The following CA13 variants were observed in gnomAD, a reference collection of about 807,000 sequenced individuals.
CA13 encodes the protein CA-XIII.
A neutral mutation model predicts 31.5 loss-of-function variants in CA13; 21 were observed. The ratio of observed to expected loss-of-function variants is 0.67; its 90% CI spans 0.47 to 0.96. The LOEUF (loss-of-function observed/expected upper bound fraction) is 0.96, where lower values mean the gene tolerates loss of function less well. Ranked by LOEUF, CA13 falls within the 40% of genes least tolerant of loss-of-function variation. The probability of loss-of-function intolerance (pLI) is 0.00; values close to 1 mark genes in which losing one functional copy is unlikely to be tolerated. For missense variants in CA13, 315 were observed against 318.9 expected (o/e 0.99, Z 0.09); for synonymous variants, 117 against 111.4 (o/e 1.05, Z -0.32).
At chr8:85,262,992 A>C (rs1440573872) in intron 3 of CA13, among the ~76,000 whole-genome samples, 1 of 152,186 alleles carries the variant, frequency 6.6e-6, no homozygotes, top group Non-Finnish European at 1.5e-5. Flanking sequence ...TGGGAACAAT[A>C]CCATGTGATC....
At chr8:85,251,023 G>C in intron 2 of CA13, 86 bp downstream of exon 2, 1 of 977,508 alleles carries the variant, frequency 1.0e-6, no homozygotes, top group Non-Finnish European at 1.5e-6. Flanking sequence ...TTTTTTTTGA[G>C]ACAGAGTCTC....
intron 3 of CA13, among the ~76,000 whole-genome samples, chr8:85,263,870 C>G (rs1260234542): frequency 6.6e-6 from 1 of 152,090 alleles, no homozygotes; most frequent in Admixed American, 6.6e-5. Flanking sequence ...AAAAGAACCC[C>G]TTTGTGCTCA....
At chr8:85,276,227 A>G (rs2130005485) in intron 6 of CA13, among the ~76,000 whole-genome samples, 1 of 152,112 alleles carries the variant, frequency 6.6e-6, no homozygotes, top group East Asian at 1.9e-4. Flanking sequence ...GCTGTGCTCA[A>G]TTTCTCGCCC....
At chr8:85,257,418 A>G (rs1300526719) in intron 2 of CA13, among the ~76,000 whole-genome samples, 1 of 152,078 alleles carries the variant, frequency 6.6e-6, no homozygotes, top group Non-Finnish European at 1.5e-5. Flanking sequence ...ATTACCAACA[A>G]TTTTTAAAAA....
intron 6 of CA13, 46 bp downstream of exon 6, chr8:85,268,673 T>C (rs1807488700): frequency 3.6e-6 from 5 of 1,383,204 alleles, no homozygotes; most frequent in Non-Finnish European, 4.8e-6. Context: ...CAGAGGAAAC[T>C]GGGCTTTTTT....
At position 85,273,522 on chromosome 8, in the gene CA13, C is replaced by T. The variant is rs375919374; in HGVS notation, c.669+4895C>T. On this transcript the variant is annotated intron_variant, in intron 6 of 6. Coordinates refer to ENST00000321764, the MANE Select transcript of CA13 (RefSeq NM_198584.3). ...GCTTAAGGGAATGAATAACTTTTCC[C>T]TCCTCAGGCCCAGTCCCAAGGCGCA... 1.6e-3 allele frequency among the ~76,000 whole-genome samples: 247 copies of T among 152,216 alleles called. 2 individuals carry two copies. The highest frequency in any genetic ancestry group is 5.8e-3 in the African/African-American group (240 of 41,556).
At chr8:85,264,985 TTGAC>T (rs1393003584) in intron 3 of CA13, among the ~76,000 whole-genome samples, 1 of 152,258 alleles carries the variant, frequency 6.6e-6, no homozygotes, top group East Asian at 1.9e-4. Flanking sequence ...TGTTTTATAG[TTGAC>T]TGTTTATGAT....
chr8:85,250,671 A>T, intron 1 of CA13, 69 bp from the exon 2 acceptor site: 1 of 969,334 alleles, frequency 1.0e-6, no homozygotes, highest in Non-Finnish European at 1.6e-6. Context: ...ACAGTGTGTT[A>T]TACTCAATGT....
In CA13 at chr8:85,245,506, C is replaced by T; in HGVS notation, c.-323C>T. On this transcript the variant is annotated 5_prime_UTR_variant, in exon 1 of 7. It adds an upstream start codon to the 5' untranslated region. Coordinates refer to ENST00000321764, the MANE Select transcript of CA13 (RefSeq NM_198584.3). The stretch of plus-strand genomic sequence containing the variant: ...GGCAACACTTTCCTCTCCCGAGTGA[C>T]GACTCCTCAGAAGGCAGGAGATCCC... The T allele has an allele frequency of 5.6e-6, 2 of 357,082 alleles. No individual in the cohort carries two copies. The highest frequency in any genetic ancestry group is 3.5e-5 in the South Asian group (1 of 28,442). 22.1% of individuals were successfully genotyped at this position (357,082 alleles called of 1,614,324 possible). A position where few individuals can be genotyped will look rare whatever the true frequency, so the allele number is the denominator to read the frequency against.
intron 4 of CA13, chr8:85,267,199 G>A (rs73688696): frequency 0.012 from 12,136 of 977,116 alleles, 136 homozygotes; most frequent in East Asian, 0.064. Flanking sequence ...ACCTCCCTCT[G>A]CCTCCACATT....
chr8:85,276,054 G>T (rs1418053348), intron 6 of CA13, among the ~76,000 whole-genome samples: 1 of 152,216 alleles, frequency 6.6e-6, no homozygotes, highest in Non-Finnish European at 1.5e-5. Context: ...GTTGCTGGGA[G>T]GTGTGGAGGG....
intron 3 of CA13, among the ~76,000 whole-genome samples, chr8:85,262,941 C>T (rs779153634): frequency 1.3e-5 from 2 of 151,970 alleles, no homozygotes; most frequent in Non-Finnish European, 2.9e-5. Context: ...GAGAGGTAGA[C>T]AATAAGCAAA....
At chr8:85,246,181 C>T (rs1813726493) in intron 1 of CA13, 3 of 510,876 alleles carry the variant, frequency 5.9e-6, no homozygotes, top group Non-Finnish European at 1.1e-5. Flanking sequence ...GTAACAGCCA[C>T]GTATCAATTA....
At chr8:85,253,497 T>G (rs1332604308) in intron 2 of CA13, among the ~76,000 whole-genome samples, 28 of 152,034 alleles carry the variant, frequency 1.8e-4, no homozygotes, top group Non-Finnish European at 1.5e-5. Flanking sequence ...ACTACTGGGC[T>G]CAAGGGATCT....
At chr8:85,261,904 G>A (rs1416702673) in intron 3 of CA13, among the ~76,000 whole-genome samples, 1 of 151,908 alleles carries the variant, frequency 6.6e-6, no homozygotes, top group Non-Finnish European at 1.5e-5. Context: ...AGAGTGCCAT[G>A]GTACAAACAT....
intron 6 of CA13, among the ~76,000 whole-genome samples, chr8:85,276,613 A>G (rs920332772): frequency 6.6e-6 from 1 of 152,160 alleles, no homozygotes; most frequent in African/African-American, 2.4e-5. Flanking sequence ...TGTCTAGCTC[A>G]GGGTTTATGA....
At chr8:85,262,446 G>A (rs1460452188) in intron 3 of CA13, among the ~76,000 whole-genome samples, 1 of 152,248 alleles carries the variant, frequency 6.6e-6, no homozygotes, top group East Asian at 1.9e-4. Flanking sequence ...GTGAGGATGT[G>A]GGTTGGGAAG....
intron 6 of CA13, among the ~76,000 whole-genome samples, chr8:85,276,780 G>A (rs1807617316): frequency 6.6e-6 from 1 of 151,204 alleles, no homozygotes; most frequent in East Asian, 1.9e-4. Context: ...CTCAGGGTTT[G>A]TGAATGCACC....
chr8:85,254,794 T>TG (rs1807262647), intron 2 of CA13, among the ~76,000 whole-genome samples: 1 of 146,282 alleles, frequency 6.8e-6, no homozygotes, highest in African/African-American at 2.7e-5. Flanking sequence ...TTTTTGGTTT[T>TG]GTTTTTTTTT....
Sources: allele counts gnomAD v4.1 joint callset (sites outside exome capture counted in the v4.1 genomes callset), GRCh38; gene constraint gnomAD v4.1.1; transcripts MANE v1.5; gene names NCBI Gene and HGNC (gene_info 2026-07-23, HGNC 2026-07-21).